Variants in PLXNA4 observed in about 807,000 individuals in gnomAD.
The protein encoded by PLXNA4 is plexin A4.
PLXNA4 carries 44 observed loss-of-function variants against 191.8 expected under a neutral mutation model. The observed-to-expected ratio is 0.23, with a 90% CI of 0.18 to 0.29. The LOEUF (loss-of-function observed/expected upper bound fraction) is 0.29. Ranked by LOEUF, PLXNA4 falls within the 10% of genes least tolerant of loss-of-function variation. The probability of loss-of-function intolerance (pLI) is 1.00; values close to 1 mark genes in which losing one functional copy is unlikely to be tolerated. For missense variants in PLXNA4, 1,800 were observed against 2,488.8 expected (o/e 0.72, Z 5.89); for synonymous variants, 1,082 against 1,009.5 (o/e 1.07, Z -1.36).
Position 132,175,030 on chromosome 7 carries a change from G to T in PLXNA4, c.3875-110C>A. ...CAAGCCCCTAGGAGACATGAGCAAT[G>T]GACCACGATGGGCGGGAATAACTGG... On this transcript the variant is annotated intron_variant, in intron 20 of 31. Transcript: ENST00000321063. The T allele has an allele frequency of 3.4e-6, 5 of 1,482,434 alleles. No homozygotes were observed. In the South Asian group the frequency reaches 4.1e-5, roughly 12 times the overall value. 91.8% of individuals were successfully genotyped at this position (1,482,434 alleles called of 1,614,324 possible). A position where few individuals can be genotyped will look rare whatever the true frequency, so the allele number is the denominator to read the frequency against.
At chr7:132,534,788 T>C (rs746003691) in intron 1 of PLXNA4, among the ~76,000 whole-genome samples, 14 of 152,234 alleles carry the variant, frequency 9.2e-5, no homozygotes, top group Non-Finnish European at 1.9e-4. Context: ...GCGCCATTAC[T>C]GGGCGTGTTG....
chr7:132,465,542 T>C (rs1394042194), intron 3 of PLXNA4, among the ~76,000 whole-genome samples: 1 of 152,220 alleles, frequency 6.6e-6, no homozygotes, highest in Non-Finnish European at 1.5e-5. Flanking sequence ...CCATGTTTTA[T>C]TCCTAGTGGG....
intron 1 of PLXNA4, among the ~76,000 whole-genome samples, chr7:132,513,567 G>A (rs1256611011): frequency 6.6e-6 from 1 of 152,198 alleles, no homozygotes; most frequent in African/African-American, 2.4e-5. Flanking sequence ...TGGGGTAATA[G>A]GATTCTCAGA....
At chr7:132,464,361 C>T (rs1018334603) in intron 3 of PLXNA4, among the ~76,000 whole-genome samples, 42 of 152,046 alleles carry the variant, frequency 2.8e-4, no homozygotes, top group Non-Finnish European at 4.4e-4. Flanking sequence ...ACCAGAAGGC[C>T]CCTGTGGCAT....
intron 4 of PLXNA4, among the ~76,000 whole-genome samples, chr7:132,281,660 C>G (rs1248564354): frequency 2.0e-5 from 3 of 152,030 alleles, no homozygotes; most frequent in East Asian, 1.9e-4. Context: ...ACTTTCTTAC[C>G]CATTGTGAAT....
intron 2 of PLXNA4, among the ~76,000 whole-genome samples, chr7:132,584,811 T>G (rs1802477751): frequency 6.6e-6 from 1 of 152,194 alleles, no homozygotes; most frequent in South Asian, 2.1e-4. Context: ...TACTACGTTC[T>G]CCATTTTTCA....
rs541296227 is a variant in PLXNA4 at position 132,494,184 on chromosome 7, G to A, written c.1189-4710C>T. 5.3e-5 allele frequency among the ~76,000 whole-genome samples: 8 copies of A among 152,310 alleles called. No homozygotes were observed. In the South Asian group the frequency reaches 1.7e-3, roughly 32 times the overall value. On this transcript the variant is annotated intron_variant, in intron 2 of 31. Transcript: ENST00000321063. Reference sequence around the variant, plus strand: ...AAATTAAAGGGGCTAATGTTGTGAAGATGAAATAGCAAAGGTAGTTCTTCC... The same window carrying A: ...AAATTAAAGGGGCTAATGTTGTGAAAATGAAATAGCAAAGGTAGTTCTTCC...
At chr7:132,189,048 G>A (rs1008922829) in intron 14 of PLXNA4, among the ~76,000 whole-genome samples, 3 of 98,664 alleles carry the variant, frequency 3.0e-5, no homozygotes, top group South Asian at 3.4e-4. Flanking sequence ...GAGAGAGAGA[G>A]AGAGAGAGAG....
At chr7:132,523,342 T>G (rs1302402919) in intron 1 of PLXNA4, among the ~76,000 whole-genome samples, 1 of 152,162 alleles carries the variant, frequency 6.6e-6, no homozygotes, top group African/African-American at 2.4e-5. Flanking sequence ...GGTTTGTATC[T>G]CTGAGGTGAC....
intron 1 of PLXNA4, among the ~76,000 whole-genome samples, chr7:132,539,702 A>C (rs1799988749): frequency 6.6e-6 from 1 of 152,244 alleles, no homozygotes; most frequent in African/African-American, 2.4e-5. Flanking sequence ...GGTTACAAAG[A>C]TTAAATAAGA....
intron 2 of PLXNA4, among the ~76,000 whole-genome samples, chr7:132,611,748 A>G (rs1160916422): frequency 1.3e-5 from 2 of 152,230 alleles, no homozygotes; most frequent in Non-Finnish European, 2.9e-5. Context: ...GTGAGAGAGA[A>G]CCAGTAGAAA....
At chr7:132,291,235 C>T (rs1467043032) in intron 4 of PLXNA4, among the ~76,000 whole-genome samples, 1 of 152,210 alleles carries the variant, frequency 6.6e-6, no homozygotes. Flanking sequence ...TCTCGCACCA[C>T]TTCACTCTCT....
chr7:132,323,172 C>T (rs977547173), intron 3 of PLXNA4, among the ~76,000 whole-genome samples: 6 of 152,146 alleles, frequency 3.9e-5, no homozygotes, highest in Non-Finnish European at 8.8e-5. Context: ...CCCTTTTGCC[C>T]TCTCCCCACC....
chr7:132,140,821 A>T lies in PLXNA4; in HGVS notation c.5226-10T>A, dbSNP rs1563052789. 6.2e-7 allele frequency: 1 copy of T among 1,613,830 alleles called. No homozygotes were observed. Among genetic ancestry groups the T allele is most frequent in the South Asian group, 1.1e-5 (1 of 91,026 alleles). On this transcript the variant is annotated splice_polypyrimidine_tract_variant and intron_variant, in intron 29 of 31. Transcript: ENST00000321063. ...AAACCTCAGGGGCAGGCTGCGTGGA[A>T]GGAAGAGGCAGATGGTCAGGAAAGA...
chr7:132,403,093 C>G (rs1200829951), intron 3 of PLXNA4, among the ~76,000 whole-genome samples: 2 of 152,228 alleles, frequency 1.3e-5, no homozygotes, highest in South Asian at 2.1e-4. Context: ...TGGGCAGCCA[C>G]TTCCATGCCA....
intron 3 of PLXNA4, among the ~76,000 whole-genome samples, chr7:132,359,532 A>G (rs941081316): frequency 1.3e-5 from 2 of 152,026 alleles, no homozygotes; most frequent in Admixed American, 6.5e-5. Flanking sequence ...GGCTCCTAAT[A>G]CCTGTTCTGT....
At chr7:132,298,985 C>T (rs1801208225) in intron 3 of PLXNA4, among the ~76,000 whole-genome samples, 1 of 152,236 alleles carries the variant, frequency 6.6e-6, no homozygotes, top group African/African-American at 2.4e-5. Context: ...CCACATGCCC[C>T]ATGAATGAGA....
chr7:132,416,685 A>G (rs1794672916), intron 3 of PLXNA4, among the ~76,000 whole-genome samples: 1 of 152,236 alleles, frequency 6.6e-6, no homozygotes, highest in Non-Finnish European at 1.5e-5. Context: ...TGAGACATTG[A>G]ACATTTGTAA....
At chr7:132,331,056 G>A (rs1035265088) in intron 3 of PLXNA4, among the ~76,000 whole-genome samples, 1 of 152,140 alleles carries the variant, frequency 6.6e-6, no homozygotes, top group African/African-American at 2.4e-5. Context: ...ATGGGACAGT[G>A]GGGAGGGGCC....
Sources: gnomAD v4.1 joint callset for allele counts (sites outside exome capture counted in the v4.1 genomes callset) on GRCh38, gnomAD v4.1.1 for gene constraint, MANE v1.5 for transcripts, NCBI Gene and HGNC (gene_info 2026-07-23, HGNC 2026-07-21) for gene names.